The following RNF220 variants were observed in gnomAD, a reference collection of about 807,000 sequenced individuals.
The protein encoded by RNF220 is E3 ubiquitin-protein ligase RNF220.
Under a neutral mutation model 67.1 loss-of-function variants are expected in RNF220, and 7 were observed. That is an observed-to-expected ratio of 0.10 (90% confidence interval 0.06 to 0.20). The LOEUF (loss-of-function observed/expected upper bound fraction) is 0.20, where lower values mean the gene tolerates loss of function less well. Ranked by LOEUF, RNF220 falls within the 10% of genes least tolerant of loss-of-function variation. The pLI, the probability that RNF220 is intolerant of heterozygous loss-of-function variation, is 1.00. For missense variants in RNF220, 565 were observed against 740.3 expected, an observed-to-expected ratio of 0.76 and a Z score of 2.75; for synonymous variants, 270 against 283.2, an observed-to-expected ratio of 0.95 and a Z score of 0.47.
At chr1:44,562,789 A>G (rs1170400087) in intron 2 of RNF220, among the ~76,000 whole-genome samples, 1 of 152,152 alleles carries the variant, frequency 6.6e-6, no homozygotes, top group East Asian at 1.9e-4. Flanking sequence ...TGCCTGGGCC[A>G]TTAGAAATCA....
intron 2 of RNF220, among the ~76,000 whole-genome samples, chr1:44,528,610 G>A (rs1199470638): frequency 4.9e-5 from 5 of 102,204 alleles, no homozygotes; most frequent in African/African-American, 2.0e-4. Flanking sequence ...CTGCAAATTG[G>A]CAACTTTTTT....
chr1:44,483,982 A>G (rs910656293), intron 2 of RNF220, among the ~76,000 whole-genome samples: 2 of 152,030 alleles, frequency 1.3e-5, no homozygotes, highest in African/African-American at 2.4e-5. Context: ...TGCTTTTCCT[A>G]GGCAAGCAGT....
chr1:44,635,346 C>T (rs572465878), intron 6 of RNF220, 199 bp from the exon 7 acceptor site: 3 of 676,324 alleles, frequency 4.4e-6, no homozygotes, highest in Non-Finnish European at 7.2e-6. Flanking sequence ...TAGTTAGCAC[C>T]AGTCTCCTCC....
At chr1:44,608,635 A>T (rs1032585985) in intron 2 of RNF220, among the ~76,000 whole-genome samples, 4 of 152,248 alleles carry the variant, frequency 2.6e-5, no homozygotes, top group African/African-American at 9.6e-5. Context: ...ATATATAATG[A>T]TACTTGATAG....
At chr1:44,509,340 G>A (rs1029821334) in intron 2 of RNF220, among the ~76,000 whole-genome samples, 4 of 151,730 alleles carry the variant, frequency 2.6e-5, no homozygotes, top group Non-Finnish European at 4.4e-5. Flanking sequence ...CACGAGGTCA[G>A]GAGATCAAAA....
intron 2 of RNF220, among the ~76,000 whole-genome samples, chr1:44,581,385 C>A (rs2148345348): frequency 6.6e-6 from 1 of 152,318 alleles, no homozygotes; most frequent in East Asian, 1.9e-4. Flanking sequence ...ACAGGTGGAG[C>A]CTACAGGGAC....
At chr1:44,586,486 G>A (rs894566499) in intron 2 of RNF220, among the ~76,000 whole-genome samples, 19 of 152,158 alleles carry the variant, frequency 1.2e-4, no homozygotes, top group African/African-American at 4.1e-4. Flanking sequence ...TGCCTGAGGA[G>A]GGGGTCACAG....
At chr1:44,526,702 ATCT>A (rs1572774155) in intron 2 of RNF220, among the ~76,000 whole-genome samples, 1 of 151,622 alleles carries the variant, frequency 6.6e-6, no homozygotes, top group Non-Finnish European at 1.5e-5. Flanking sequence ...TCCCCTTTAA[ATCT>A]TCTTTTAATC....
intron 2 of RNF220, among the ~76,000 whole-genome samples, chr1:44,581,954 C>T (rs193096666): frequency 5.8e-4 from 89 of 152,308 alleles, no homozygotes; most frequent in Non-Finnish European, 1.0e-3. Flanking sequence ...CCAAGGGAAG[C>T]GCCCACCAGC....
chr1:44,523,505 C>T (rs1238970905), intron 2 of RNF220, among the ~76,000 whole-genome samples: 2 of 152,206 alleles, frequency 1.3e-5, no homozygotes, highest in Non-Finnish European at 2.9e-5. Context: ...TGAATGCCAT[C>T]CCCTTGCTAA....
At chr1:44,571,435 A>G (rs1664436870) in intron 2 of RNF220, among the ~76,000 whole-genome samples, 1 of 151,912 alleles carries the variant, frequency 6.6e-6, no homozygotes, top group Non-Finnish European at 1.5e-5. Flanking sequence ...TACCCTGCTC[A>G]TTTTCCTTCA....
chr1:44,412,868 G>A lies in RNF220; in HGVS notation c.625+146G>A, dbSNP rs1168742536. ...CACTAGCTGTGGAGTGCTAACCTTT[G>A]CTTGTCTCTTATCAGTGAGCACTGA... On this transcript the variant is annotated intron_variant, in intron 2 of 14. Coordinates refer to ENST00000361799, the MANE Select transcript of RNF220 (RefSeq NM_018150.4). This position sits in a 1 kb window ranked among gnomAD's most constrained non-coding sequence, Gnocchi z 5.3. 4.3e-6 allele frequency: 4 copies of A among 935,400 alleles called. No homozygotes were observed. The highest frequency in any genetic ancestry group is 2.5e-5 in the Admixed American group (1 of 40,590). 57.9% of individuals were successfully genotyped at this position (935,400 alleles called of 1,614,324 possible).
At chr1:44,492,859 T>C (rs1343724259) in intron 2 of RNF220, among the ~76,000 whole-genome samples, 1 of 152,166 alleles carries the variant, frequency 6.6e-6, no homozygotes, top group African/African-American at 2.4e-5. Context: ...CCAACTGTTT[T>C]AATGTACAGG....
intron 2 of RNF220, among the ~76,000 whole-genome samples, chr1:44,601,889 C>G (rs1293173676): frequency 2.6e-5 from 4 of 152,056 alleles, no homozygotes; most frequent in Non-Finnish European, 5.9e-5. Context: ...GCCTGAGTGT[C>G]TGAGACAAAA....
chr1:44,535,569 A>T (rs373896048), intron 2 of RNF220, among the ~76,000 whole-genome samples: 2 of 152,350 alleles, frequency 1.3e-5, no homozygotes, highest in African/African-American at 4.8e-5. Context: ...TTAGTTTGTG[A>T]ATTAGCACAT....
chr1:44,557,689 T>C lies in RNF220; in HGVS notation c.626-56476T>C, dbSNP rs146247156. Among the ~76,000 whole-genome samples, 177 of 152,340 alleles carry C rather than the reference T, an allele frequency of 1.2e-3. 1 individual carries two copies. Among genetic ancestry groups the C allele is most frequent in the Non-Finnish European group, 2.3e-3 (158 of 68,020 alleles). On this transcript the variant is annotated intron_variant, in intron 2 of 14. Transcript: ENST00000361799. ...CTGCTAGACCCACCATTTGGGAGAA[T>C]GAATTTCTTAAGTTCACTGGCCACG...
intron 2 of RNF220, among the ~76,000 whole-genome samples, chr1:44,438,789 T>C (rs2147890197): frequency 6.6e-6 from 1 of 152,358 alleles, no homozygotes; most frequent in East Asian, 1.9e-4. Context: ...TTTTGGTATG[T>C]ATCATTCCAG....
At chr1:44,531,873 GC>G (rs1331149477) in intron 2 of RNF220, among the ~76,000 whole-genome samples, 1 of 152,172 alleles carries the variant, frequency 6.6e-6, no homozygotes, top group Non-Finnish European at 1.5e-5. Context: ...GCCTAAACTA[GC>G]TTTAACTTTC....
At chr1:44,432,880 T>A (rs1033097670) in intron 2 of RNF220, among the ~76,000 whole-genome samples, 2 of 149,656 alleles carry the variant, frequency 1.3e-5, no homozygotes, top group Non-Finnish European at 3.0e-5. Flanking sequence ...GGTATGTATG[T>A]AAGTTTCAAA....
Sources: allele counts gnomAD v4.1 joint callset (sites outside exome capture counted in the v4.1 genomes callset), GRCh38; gene constraint gnomAD v4.1.1; non-coding constraint Gnocchi (gnomAD v3.1); transcripts MANE v1.5; gene names NCBI Gene and HGNC (gene_info 2026-07-23, HGNC 2026-07-21).